The following SLC24A4 variants were observed in gnomAD, a reference collection of about 807,000 sequenced individuals.
SLC24A4 encodes solute carrier family 24 member 4, also known as sodium/potassium/calcium exchanger 4.
In SLC24A4, 53 loss-of-function variants were observed where a neutral mutation model predicts 79.0. The observed-to-expected ratio is 0.67, with a 90% CI of 0.54 to 0.84. The LOEUF is 0.84. Among genes scored for constraint, SLC24A4 ranks in the 40% least tolerant of loss-of-function variants. The pLI is 0.00. For missense variants in SLC24A4, 731 were observed against 822.0 expected, an observed-to-expected ratio of 0.89 and a Z score of 1.35; for synonymous variants, 323 against 323.8, an observed-to-expected ratio of 1.00 and a Z score of 0.03.
chr14:92,457,586 C>T (rs201307620), intron 12 of SLC24A4: 6 of 152,742 alleles, frequency 3.9e-5, no homozygotes, highest in East Asian at 1.9e-4. Context: ...GGTAGGTATC[C>T]GTCAAATGAA....
intron 2 of SLC24A4, among the ~76,000 whole-genome samples, chr14:92,331,824 A>ATG (rs1481093397): frequency 1.3e-5 from 2 of 152,138 alleles, no homozygotes; most frequent in Admixed American, 6.5e-5. Flanking sequence ...TCTCCTCTCA[A>ATG]TGTGAAGATC....
intron 2 of SLC24A4, among the ~76,000 whole-genome samples, chr14:92,420,978 C>T (rs1282433489): frequency 6.6e-6 from 1 of 152,140 alleles, no homozygotes; most frequent in African/African-American, 2.4e-5. Context: ...CTCACTGCTC[C>T]TCGGGCTTCT....
rs1491176639 is a variant in SLC24A4, at chr14:92,474,864, T to TATATA, written c.1256-7816_1256-7815insATATA. Among the ~76,000 whole-genome samples, 247 of 38,958 alleles carry TATATA rather than the reference T, an allele frequency of 6.3e-3. 2 individuals are homozygous for TATATA. The highest frequency in any genetic ancestry group is 0.024 in the African/African-American group (218 of 8,950). The allele number at this position is 38,958 out of a possible 152,430, so 25.6% of individuals were successfully genotyped here. ...GTGTGTATATATATATATATATATA[T>TATATA]TTTTTTTTTTTTTAGTAGACACAGG... On this transcript the variant is annotated intron_variant, in intron 12 of 16. Transcript: ENST00000532405.
intron 2 of SLC24A4, among the ~76,000 whole-genome samples, chr14:92,326,286 G>A (rs1018331476): frequency 2.6e-5 from 4 of 151,444 alleles, no homozygotes; most frequent in East Asian, 1.9e-4. Context: ...TTTGCGGCTC[G>A]GGGTGTCTTT....
intron 2 of SLC24A4, among the ~76,000 whole-genome samples, chr14:92,347,191 C>T (rs1368118433): frequency 2.6e-5 from 4 of 152,166 alleles, no homozygotes; most frequent in Non-Finnish European, 4.4e-5. Flanking sequence ...GTTAGTGATA[C>T]GCCTTAGCCA....
intron 2 of SLC24A4, among the ~76,000 whole-genome samples, chr14:92,364,083 A>G (rs1443052143): frequency 6.6e-6 from 1 of 152,210 alleles, no homozygotes; most frequent in Non-Finnish European, 1.5e-5. Context: ...CCCCACCAGA[A>G]GCATTCCCCC....
chr14:92,380,330 C>A (rs1010508713), intron 2 of SLC24A4, among the ~76,000 whole-genome samples: 7 of 152,198 alleles, frequency 4.6e-5, no homozygotes, highest in Admixed American at 3.9e-4. Flanking sequence ...CCTTCCTGAT[C>A]CCTCATAATC....
At chr14:92,448,043 T>C (rs1254058069) in intron 9 of SLC24A4, among the ~76,000 whole-genome samples, 2 of 152,156 alleles carry the variant, frequency 1.3e-5, no homozygotes. Flanking sequence ...GAAAACATTA[T>C]GCTAAGTGGA....
At chr14:92,481,460 G>C (rs536826183) in intron 12 of SLC24A4, among the ~76,000 whole-genome samples, 26 of 152,326 alleles carry the variant, frequency 1.7e-4, no homozygotes, top group Non-Finnish European at 3.4e-4. Context: ...AATAAAGACA[G>C]CCTTGAAAGT....
At position 92,496,306 on chromosome 14, in the gene SLC24A4, C is replaced by G. The variant is rs1895918480; in HGVS notation, c.*2678C>G. The G allele has an allele frequency of 6.6e-6, 1 of 152,560 alleles. No individual in the cohort carries two copies. Among genetic ancestry groups the G allele is most frequent in the African/African-American group, 2.4e-5 (1 of 41,428 alleles). The allele number at this position is 152,560 out of a possible 1,614,324, so 9.5% of individuals were successfully genotyped here. A position where few individuals can be genotyped will look rare whatever the true frequency, so the allele number is the denominator to read the frequency against. ...TTTTTAACTAAATATTTTTCCATCACAAATTTAAAGAATTGCATGATTAAT... is the reference window on the plus strand; with the variant it reads ...TTTTTAACTAAATATTTTTCCATCAGAAATTTAAAGAATTGCATGATTAAT... On this transcript the variant is annotated 3_prime_UTR_variant, in exon 17 of 17. Coordinates refer to ENST00000532405, the MANE Select transcript of SLC24A4 (RefSeq NM_153646.4).
chr14:92,445,668 A>C (rs1009041170), intron 8 of SLC24A4, among the ~76,000 whole-genome samples: 5 of 152,192 alleles, frequency 3.3e-5, no homozygotes, highest in Non-Finnish European at 7.3e-5. Context: ...GGAATGGGGG[A>C]CATTGCAGAG....
chr14:92,387,154 G>A (rs943051343), intron 2 of SLC24A4, among the ~76,000 whole-genome samples: 1 of 151,602 alleles, frequency 6.6e-6, no homozygotes, highest in African/African-American at 2.4e-5. Context: ...GGGGTACAGA[G>A]GGGGTGGCCT....
At chr14:92,485,368 A>G (rs1174795965) in intron 13 of SLC24A4, among the ~76,000 whole-genome samples, 1 of 151,962 alleles carries the variant, frequency 6.6e-6, no homozygotes, top group Non-Finnish European at 1.5e-5. Flanking sequence ...AGGAGGCTGA[A>G]GTGGGAGGAT....
rs1008695466 is a variant in SLC24A4, at chr14:92,492,119, G to C, written c.1651-56G>C. The C allele has an allele frequency of 3.9e-6, 6 of 1,529,880 alleles. No homozygotes were observed. In the African/African-American group the frequency reaches 6.9e-5, roughly 18 times the overall value. 94.8% of individuals were successfully genotyped at this position (1,529,880 alleles called of 1,614,324 possible). A position where few individuals can be genotyped will look rare whatever the true frequency, so the allele number is the denominator to read the frequency against. ...GGGCCCAGGCATGCTGGGATTTCTGGATGGATTGGCTCTGAGCAGTCAAGA... is the reference window on the plus strand; with the variant it reads ...GGGCCCAGGCATGCTGGGATTTCTGCATGGATTGGCTCTGAGCAGTCAAGA... On this transcript the variant is annotated intron_variant, in intron 15 of 16. Transcript: ENST00000532405.
chr14:92,346,945 T>A (rs1376416639), intron 2 of SLC24A4, among the ~76,000 whole-genome samples: 2 of 152,162 alleles, frequency 1.3e-5, no homozygotes, highest in Non-Finnish European at 2.9e-5. Flanking sequence ...ACCCCTGTGC[T>A]ATGGGGCTGG....
chr14:92,347,834 G>C (rs1178180007), intron 2 of SLC24A4, among the ~76,000 whole-genome samples: 1 of 152,146 alleles, frequency 6.6e-6, no homozygotes, highest in Non-Finnish European at 1.5e-5. Flanking sequence ...GGCTGAGGCA[G>C]AGAATTGCTT....
chr14:92,341,228 TCTGGTTG>T (rs1380315927), intron 2 of SLC24A4, among the ~76,000 whole-genome samples: 1 of 152,172 alleles, frequency 6.6e-6, no homozygotes, highest in Non-Finnish European at 1.5e-5. Flanking sequence ...TGAAATGCCC[TCTGGTTG>T]CTGAATAAGC....
At chr14:92,465,497 G>A (rs1287924105) in intron 12 of SLC24A4, among the ~76,000 whole-genome samples, 6 of 152,314 alleles carry the variant, frequency 3.9e-5, no homozygotes, top group African/African-American at 1.4e-4. Flanking sequence ...TCAGGGTGGG[G>A]GCTGTGGGAG....
In SLC24A4 at chr14:92,333,804, G is replaced by T. The variant is rs191673707; in HGVS notation, c.241+7826G>T. 7.2e-5 allele frequency among the ~76,000 whole-genome samples: 11 copies of T among 152,236 alleles called. No homozygotes were observed. The East Asian group carries it at 2.1e-3, about 29-fold the overall frequency. On this transcript the variant is annotated intron_variant, in intron 2 of 16. Coordinates refer to ENST00000532405, the MANE Select transcript of SLC24A4 (RefSeq NM_153646.4). Reference sequence around the variant, plus strand: ...TTCTGTACCATGCCAGTGTAAGGGCGGTTGTGGGGTGCGGGGGGAGAGGGT... The same window carrying T: ...TTCTGTACCATGCCAGTGTAAGGGCTGTTGTGGGGTGCGGGGGGAGAGGGT...
Sources: allele counts gnomAD v4.1 joint callset (sites outside exome capture counted in the v4.1 genomes callset), GRCh38; gene constraint gnomAD v4.1.1; transcripts MANE v1.5; gene names NCBI Gene and HGNC (gene_info 2026-07-23, HGNC 2026-07-21).